MCMDC2: variants seen among roughly 807,000 people sequenced by gnomAD.
MCMDC2 encodes the protein minichromosome maintenance domain-containing protein 2.
Under a neutral mutation model 75.8 loss-of-function variants are expected in MCMDC2, and 54 were observed. The observed-to-expected ratio is 0.71, with a 90% CI of 0.57 to 0.89. The LOEUF (loss-of-function observed/expected upper bound fraction) is 0.89, where lower values mean the gene tolerates loss of function less well. Ranked by LOEUF, MCMDC2 falls within the 40% of genes least tolerant of loss-of-function variation. The pLI, the probability that MCMDC2 is intolerant of heterozygous loss-of-function variation, is 0.00. For missense variants in MCMDC2, 656 were observed against 780.4 expected, an observed-to-expected ratio of 0.84 and a Z score of 1.90; for synonymous variants, 249 against 274.6, an observed-to-expected ratio of 0.91 and a Z score of 0.92.
intron 1 of MCMDC2, among the ~76,000 whole-genome samples, chr8:66,871,176 C>G (rs71515039): frequency 6.6e-6 from 1 of 152,186 alleles, no homozygotes; most frequent in Non-Finnish European, 1.5e-5. Context: ...CCCAGGGCCT[C>G]CGCTTTACGC....
rs1291859704 is a variant in MCMDC2 at position 66,890,948 on chromosome 8, A to G, written c.1157A>G (p.Asn386Ser). Residue 386 changes from asparagine (N) to serine (S), a missense_variant, in exon 10 of 15, where the codon AAT becomes AGT. Coordinates refer to ENST00000422365, the MANE Select transcript of MCMDC2 (RefSeq NM_173518.5). ...GAAATTTTTCCCACTCTATCCAGGA[A>G]TAAGTATGGAACTGGAGCAGTTAGC... ...STEIFPTLSR[N>S]KYGTGAVSIQ... The G allele has an allele frequency of 1.2e-6, 2 of 1,613,870 alleles. No individual in the cohort carries two copies. The highest frequency in any genetic ancestry group is 1.7e-6 in the Non-Finnish European group (2 of 1,179,926).
chr8:66,885,737 G>A (rs989257246), intron 9 of MCMDC2, among the ~76,000 whole-genome samples: 1 of 152,066 alleles, frequency 6.6e-6, no homozygotes, highest in Non-Finnish European at 1.5e-5. Flanking sequence ...ATGAGATATA[G>A]AACATTTCTA....
intron 13 of MCMDC2, among the ~76,000 whole-genome samples, chr8:66,904,362 A>C (rs1464291962): frequency 4.6e-5 from 7 of 152,194 alleles, no homozygotes; most frequent in African/African-American, 1.7e-4. Flanking sequence ...GAAGAGCATC[A>C]TATTAAGAGG....
intron 14 of MCMDC2, among the ~76,000 whole-genome samples, chr8:66,908,311 A>T (rs1328756742): frequency 6.6e-6 from 1 of 152,056 alleles, no homozygotes; most frequent in Non-Finnish European, 1.5e-5. Flanking sequence ...TCCCACTACC[A>T]TTTGCTAAAT....
chr8:66,893,877 C>T (rs1035036724), intron 10 of MCMDC2, among the ~76,000 whole-genome samples: 19 of 152,264 alleles, frequency 1.2e-4, no homozygotes, highest in South Asian at 2.1e-4. Flanking sequence ...GTTCCACACT[C>T]GTGAAGTTGG....
chr8:66,901,277 T>G lies in MCMDC2; in HGVS notation c.1698T>G (p.Tyr566Ter), dbSNP rs773131761. 1 of 1,614,122 alleles carries G rather than the reference T, an allele frequency of 6.2e-7. No homozygotes were observed. The highest frequency in any genetic ancestry group is 8.5e-7 in the Non-Finnish European group (1 of 1,179,992). ...CAGAAAGAATGACCCATGGCTATTA[T>G]CTAGCAAGTCGCAGAATCAGAACAG... ...LEAERMTHGY[Y>*]LASRRIRTGS... The change falls in exon 13 of 15, where the codon TAT (tyrosine) becomes TAG (stop). Residue 566 changes from tyrosine (Y) to a stop codon, truncating the protein, a stop_gained. Transcript: ENST00000422365. LOFTEE classifies it high-confidence loss of function.
At chr8:66,897,040 TTTTC>T in intron 12 of MCMDC2, 81 bp downstream of exon 12, 1 of 1,274,502 alleles carries the variant, frequency 7.8e-7, no homozygotes, top group Non-Finnish European at 1.1e-6. Flanking sequence ...GAGTGCTGGA[TTTTC>T]TTTATTTAGG....
chr8:66,918,502 G>A (rs1024689671), intron 14 of MCMDC2, among the ~76,000 whole-genome samples: 1 of 152,114 alleles, frequency 6.6e-6, no homozygotes, highest in African/African-American at 2.4e-5. Context: ...TATGTTGTCT[G>A]CCTTTATGTG....
chr8:66,886,465 T>G (rs1811845554), intron 9 of MCMDC2, among the ~76,000 whole-genome samples: 1 of 152,100 alleles, frequency 6.6e-6, no homozygotes, highest in South Asian at 2.1e-4. Context: ...GTGCCTGGCC[T>G]ATAACTTTAT....
chr8:66,905,131 C>G (rs906515334), intron 13 of MCMDC2, 95 bp from the exon 14 acceptor site: 5 of 1,003,388 alleles, frequency 5.0e-6, no homozygotes, highest in Admixed American at 4.2e-5. Flanking sequence ...TTAGGTGTGG[C>G]TAAGGTTCAT....
Position 66,902,847 on chromosome 8 carries a change from C to T in MCMDC2, c.1769+1499C>T, listed in dbSNP as rs1051486427. On this transcript the variant is annotated intron_variant, in intron 13 of 14. Transcript: ENST00000422365. ...ATGAGAAAATAGAACTCTTAAAGCA[C>T]GGTAGTGCACACCTGTAATCCCAGT... Among the ~76,000 whole-genome samples, 7 of 149,908 alleles carry T rather than the reference C, an allele frequency of 4.7e-5. No homozygotes were observed. In the East Asian group the frequency reaches 8.0e-4, roughly 17 times the overall value.
rs756420534 is a variant in MCMDC2, at chr8:66,874,469, AAG to A, written c.225+15_225+16del. ...AGTCTTTCAATCAGTAAGTCAAAAA[AAG>A]AAATAATTTTATGCCACATGGAATT... On this transcript the variant is annotated intron_variant, in intron 3 of 14. Coordinates refer to ENST00000422365, the MANE Select transcript of MCMDC2 (RefSeq NM_173518.5). 5.6e-6 allele frequency: 9 copies of A among 1,611,750 alleles called. No homozygotes were observed. The highest frequency in any genetic ancestry group is 8.5e-7 in the Non-Finnish European group (1 of 1,179,492).
chr8:66,924,689 T>C (rs530930860), downstream of MCMDC2, among the ~76,000 whole-genome samples: 6 of 151,934 alleles, frequency 3.9e-5, no homozygotes, highest in African/African-American at 7.2e-5. Flanking sequence ...AGCCTCCCAG[T>C]TGCTGACCGG....
intron 13 of MCMDC2, among the ~76,000 whole-genome samples, chr8:66,902,955 A>G (rs530211005): frequency 6.6e-6 from 1 of 151,590 alleles, no homozygotes; most frequent in Non-Finnish European, 1.5e-5. Context: ...CCCTGTCTCT[A>G]CTAAATACAA....
intron 14 of MCMDC2, among the ~76,000 whole-genome samples, chr8:66,917,167 C>T (rs1813353762): frequency 6.6e-6 from 1 of 152,072 alleles, no homozygotes; most frequent in South Asian, 2.1e-4. Context: ...AAAAAAGCTT[C>T]ATTTTGGAGA....
chr8:66,920,165 G>GTTGT lies in MCMDC2; in HGVS notation c.*998_*1001dup, dbSNP rs1813467900. 1 of 152,224 alleles carries GTTGT rather than the reference G, an allele frequency of 6.6e-6. No homozygotes were observed. Among genetic ancestry groups the GTTGT allele is most frequent in the South Asian group, 2.1e-4 (1 of 4,838 alleles). 9.4% of individuals were successfully genotyped at this position (152,224 alleles called of 1,614,324 possible). A position where few individuals can be genotyped will look rare whatever the true frequency, so the allele number is the denominator to read the frequency against. On this transcript the variant is annotated 3_prime_UTR_variant, in exon 15 of 15. Coordinates refer to ENST00000422365, the MANE Select transcript of MCMDC2 (RefSeq NM_173518.5). ...CCACTCTCCACAGGACCCGGAGGAA[G>GTTGT]TTGTTCACTATTACTGAATACCTAC... is the stretch of plus-strand genomic sequence containing the variant.
rs146695178 is a variant in MCMDC2 at position 66,898,001 on chromosome 8, C to T, written c.1626+1042C>T. The stretch of plus-strand genomic sequence containing the variant: ...ACTGCATGAGTAAAAGGTTGAAAGG[C>T]GAAATCGTCTTAAAAATGAATTATG... On this transcript the variant is annotated intron_variant, in intron 12 of 14. Coordinates refer to ENST00000422365, the MANE Select transcript of MCMDC2 (RefSeq NM_173518.5). Among the ~76,000 whole-genome samples, 1,008 of 151,654 alleles carry T rather than the reference C, an allele frequency of 6.6e-3. 9 individuals are homozygous for T. The highest frequency in any genetic ancestry group is 0.023 in the African/African-American group (963 of 41,326).
intron 9 of MCMDC2, among the ~76,000 whole-genome samples, chr8:66,888,229 A>G (rs879580298): frequency 1.2e-4 from 19 of 152,024 alleles, no homozygotes; most frequent in African/African-American, 4.6e-4. Context: ...CAGAGGCGTG[A>G]ACCACCACAT....
At position 66,899,731 on chromosome 8, in the gene MCMDC2, C is replaced by T. The variant is rs574868538; in HGVS notation, c.1627-1475C>T. On this transcript the variant is annotated intron_variant, in intron 12 of 14. Coordinates refer to ENST00000422365, the MANE Select transcript of MCMDC2 (RefSeq NM_173518.5). Reference sequence around the variant, plus strand: ...CAGGATGGTCTCAATCTCTTGACCTCGTGATCTACCCACCTCGGCCTCCCA... The same window carrying T: ...CAGGATGGTCTCAATCTCTTGACCTTGTGATCTACCCACCTCGGCCTCCCA... Among the ~76,000 whole-genome samples, 449 of 151,906 alleles carry T rather than the reference C, an allele frequency of 3.0e-3. 2 individuals carry two copies. Among genetic ancestry groups the T allele is most frequent in the Non-Finnish European group, 4.3e-3 (295 of 67,932 alleles).
Sources: allele counts gnomAD v4.1 joint callset (sites outside exome capture counted in the v4.1 genomes callset), GRCh38; gene constraint gnomAD v4.1.1; transcripts MANE v1.5; gene names NCBI Gene and HGNC (gene_info 2026-07-23, HGNC 2026-07-21).